The following PPP3CC variants were observed in gnomAD, a reference collection of about 807,000 sequenced individuals.
PPP3CC encodes protein phosphatase 3 catalytic subunit gamma, also known as serine/threonine-protein phosphatase 2B catalytic subunit gamma isoform.
PPP3CC carries 35 observed loss-of-function variants against 60.3 expected under a neutral mutation model. The observed-to-expected ratio is 0.58, with a 90% CI of 0.44 to 0.77. PPP3CC has a LOEUF of 0.77. PPP3CC is among the 30% of genes least tolerant of loss of function. PPP3CC has a pLI of 0.00. For synonymous variants in PPP3CC, 206 were observed against 224.3 expected, an observed-to-expected ratio of 0.92 and a Z score of 0.73; for missense variants, 570 against 628.9, an observed-to-expected ratio of 0.91 and a Z score of 1.00.
intron 1 of PPP3CC, among the ~76,000 whole-genome samples, chr8:22,448,620 C>G (rs1467962544): frequency 5.9e-5 from 9 of 152,074 alleles, no homozygotes; most frequent in Admixed American, 3.9e-4. Flanking sequence ...CTCAGGTGAT[C>G]TGCCCACCTC....
intron 3 of PPP3CC, among the ~76,000 whole-genome samples, chr8:22,479,161 T>C (rs938795210): frequency 6.6e-6 from 1 of 151,866 alleles, no homozygotes; most frequent in African/African-American, 2.4e-5. Flanking sequence ...TTGATAGCCA[T>C]GAGTGTGATG....
rs532769424 is a variant in PPP3CC at position 22,527,963 on chromosome 8, T to C, written c.1069+446T>C. The stretch of plus-strand genomic sequence containing the variant: ...ACATAGATTTGTAAATGGCATGTAA[T>C]TGGTTCTTAAATTTTAATATATTAT... On this transcript the variant is annotated intron_variant, in intron 9 of 13. Transcript: ENST00000240139. Among the ~76,000 whole-genome samples, 22 of 152,302 alleles carry C rather than the reference T, an allele frequency of 1.4e-4. No homozygotes were observed. In the South Asian group the frequency reaches 2.7e-3, roughly 19 times the overall value.
intron 1 of PPP3CC, among the ~76,000 whole-genome samples, chr8:22,446,338 C>T (rs1020455309): frequency 6.6e-6 from 1 of 151,996 alleles, no homozygotes; most frequent in Non-Finnish European, 1.5e-5. Context: ...ATTATTCTGG[C>T]GTCTAACGTC....
chr8:22,511,687 G>GC (rs1186807947), intron 5 of PPP3CC, among the ~76,000 whole-genome samples: 3 of 152,122 alleles, frequency 2.0e-5, no homozygotes, highest in Non-Finnish European at 4.4e-5. Flanking sequence ...TATAACTACT[G>GC]TTAACATTTT....
In PPP3CC at chr8:22,513,347, T is replaced by G; in HGVS notation, c.685T>G (p.Ser229Ala). The change falls in exon 6 of 14, where the codon TCT becomes GCT. Residue 229 changes from serine to alanine, a missense_variant. Coordinates refer to ENST00000240139, the MANE Select transcript of PPP3CC (RefSeq NM_005605.5). ...TGGACCTGTGTGTGACCTGCTTTGG[T>G]CTGATCCCTCAGAGGATTATGGCAA... ...AFGPVCDLLW[S>A]DPSEDYGNEK... 1 of 1,613,980 alleles carries G rather than the reference T, an allele frequency of 6.2e-7. No homozygotes were observed.
intron 8 of PPP3CC, chr8:22,523,735 G>A (rs904060611): frequency 1.1e-5 from 5 of 448,280 alleles, no homozygotes; most frequent in Non-Finnish European, 2.2e-5. Flanking sequence ...AAAGTCATTC[G>A]GAGTCAAGAC....
rs546377764 is a variant in PPP3CC at position 22,486,242 on chromosome 8, C to T, written c.372+10618C>T. Among the ~76,000 whole-genome samples the T allele has an allele frequency of 1.1e-4, 16 of 152,192 alleles. No homozygotes were observed. The East Asian group carries it at 3.1e-3, about 29-fold the overall frequency. ...CCTCTGTCTTCCTTACAAACAATAT[C>T]TCTATTTTATTCAGATAGATGGGAT... On this transcript the variant is annotated intron_variant, in intron 3 of 13. Coordinates refer to ENST00000240139, the MANE Select transcript of PPP3CC (RefSeq NM_005605.5).
chr8:22,493,055 T>C (rs1228716352), intron 3 of PPP3CC: 1 of 1,454,744 alleles, frequency 6.9e-7, no homozygotes, highest in East Asian at 2.3e-5. Flanking sequence ...TTGTGGAGAA[T>C]TTTGATGAGG....
intron 8 of PPP3CC, among the ~76,000 whole-genome samples, chr8:22,526,353 T>C (rs972174920): frequency 2.6e-5 from 4 of 152,174 alleles, no homozygotes; most frequent in Non-Finnish European, 5.9e-5. Context: ...GGGTAGAAAT[T>C]GAGGGAGTTG....
At chr8:22,510,886 C>A (rs1839065981) in intron 4 of PPP3CC, 200 bp from the exon 5 acceptor site, 4 of 538,302 alleles carry the variant, frequency 7.4e-6, no homozygotes, top group Non-Finnish European at 1.3e-5. Context: ...AATCCAAGGT[C>A]ACACTTGTCT....
At chr8:22,507,964 T>C (rs1838974347) in intron 4 of PPP3CC, among the ~76,000 whole-genome samples, 1 of 152,152 alleles carries the variant, frequency 6.6e-6, no homozygotes. Context: ...AAAGGTAATA[T>C]AGGCCAGGTA....
intron 1 of PPP3CC, among the ~76,000 whole-genome samples, chr8:22,461,236 T>C (rs1169451765): frequency 6.6e-6 from 1 of 152,226 alleles, no homozygotes. Context: ...AAGGGGTTTT[T>C]AAACTTGATT....
Position 22,522,816 on chromosome 8 carries a change from G to A in PPP3CC, c.943+67G>A, listed in dbSNP as rs764870307. The A allele has an allele frequency of 8.1e-5, 90 of 1,105,632 alleles. 2 individuals are homozygous for A. The South Asian group carries it at 1.2e-3, about 15-fold the overall frequency. The allele number at this position is 1,105,632 out of a possible 1,614,324, so 68.5% of individuals were successfully genotyped here. A position where few individuals can be genotyped will look rare whatever the true frequency, so the allele number is the denominator to read the frequency against. ...AACGTGAGCTCTGGTTTAATTGTAT[G>A]TACGTATGTGTGTTTGTGTCATTTT... On this transcript the variant is annotated intron_variant, in intron 8 of 13. Coordinates refer to ENST00000240139, the MANE Select transcript of PPP3CC (RefSeq NM_005605.5).
At chr8:22,460,677 G>T (rs1228259267) in intron 1 of PPP3CC, among the ~76,000 whole-genome samples, 3 of 151,902 alleles carry the variant, frequency 2.0e-5, no homozygotes, top group Non-Finnish European at 2.9e-5. Flanking sequence ...AAATTAGTCA[G>T]GTGTCATGGT....
intron 3 of PPP3CC, 67 bp downstream of exon 3, chr8:22,475,691 C>CTACTGA: frequency 1.4e-6 from 2 of 1,418,182 alleles, no homozygotes; most frequent in Non-Finnish European, 1.9e-6. Flanking sequence ...TTCCATTCTT[C>CTACTGA]AGTAGAAGAA....
At chr8:22,480,740 A>T (rs1453147735) in intron 3 of PPP3CC, among the ~76,000 whole-genome samples, 2 of 152,158 alleles carry the variant, frequency 1.3e-5, no homozygotes, top group South Asian at 4.1e-4. Flanking sequence ...CAGCCTCCCA[A>T]AGTGCCAGGA....
chr8:22,510,902 A>G, intron 4 of PPP3CC, 184 bp from the exon 5 acceptor site: 1 of 576,440 alleles, frequency 1.7e-6, no homozygotes, highest in Non-Finnish European at 3.0e-6. Flanking sequence ...TGTCTTTAAG[A>G]GGAGAGAGGT....
At chr8:22,483,356 G>A (rs1365854915) in intron 3 of PPP3CC, among the ~76,000 whole-genome samples, 5 of 151,804 alleles carry the variant, frequency 3.3e-5, no homozygotes, top group Admixed American at 2.6e-4. Flanking sequence ...GCGCAATCTC[G>A]ACTCACTGCA....
chr8:22,478,574 A>G (rs1448878551), intron 3 of PPP3CC, among the ~76,000 whole-genome samples: 1 of 152,208 alleles, frequency 6.6e-6, no homozygotes, highest in East Asian at 1.9e-4. Flanking sequence ...AGAAAATATC[A>G]ACAATGATTT....
Sources: allele counts gnomAD v4.1 joint callset (sites outside exome capture counted in the v4.1 genomes callset), GRCh38; gene constraint gnomAD v4.1.1; transcripts MANE v1.5; gene names NCBI Gene and HGNC (gene_info 2026-07-23, HGNC 2026-07-21).